Variants in CCDC80 observed in about 807,000 individuals in gnomAD.
The protein encoded by CCDC80 is coiled-coil domain-containing protein 80.
Under a neutral mutation model 78.7 loss-of-function variants are expected in CCDC80, and 49 were observed. The observed-to-expected ratio is 0.62, with a 90% CI of 0.50 to 0.79. CCDC80 has a LOEUF of 0.79. CCDC80 is among the 30% of genes least tolerant of loss of function. CCDC80 has a pLI of 0.00. For missense variants in CCDC80, 1,205 were observed against 1,198.6 expected (o/e 1.01, Z -0.08); for synonymous variants, 488 against 447.0 (o/e 1.09, Z -1.16).
rs771980493 is a variant in CCDC80, at chr3:112,605,536, G to T, written c.2734C>A (p.Arg912Ser). Residue 912 changes from arginine to serine, a missense_variant, in exon 8 of 8, where the codon CGC (arginine) becomes AGC (serine). Physicochemically the swap from Arg to Ser is moderately radical, Grantham distance 110. Coordinates refer to ENST00000206423, the MANE Select transcript of CCDC80 (RefSeq NM_199511.3). Reference sequence around the variant, plus strand: ...CCTGCATACTCATCTTCTGGGCAGCGCATCCCCAGTGACTGCTGAATCGCC... The same window carrying T: ...CCTGCATACTCATCTTCTGGGCAGCTCATCCCCAGTGACTGCTGAATCGCC... ...EMAIQQSLGM[R>S]CPEDEYAGYG... is the part of the protein sequence containing the mutation. The T allele has an allele frequency of 1.1e-5, 17 of 1,614,102 alleles. No individual in the cohort carries two copies. The highest frequency in any genetic ancestry group is 1.4e-5 in the Non-Finnish European group (17 of 1,180,004).
At chr3:112,627,317 A>G (rs1412088323) in intron 3 of CCDC80, among the ~76,000 whole-genome samples, 1 of 152,210 alleles carries the variant, frequency 6.6e-6, no homozygotes, top group Non-Finnish European at 1.5e-5. Flanking sequence ...CCCCACATGC[A>G]ATATACTCTG....
chr3:112,623,250 C>T (rs73231362), intron 3 of CCDC80, among the ~76,000 whole-genome samples: 15,503 of 152,208 alleles, frequency 0.1, 865 homozygotes, highest in South Asian at 0.2. Flanking sequence ...TTTGTCCTTT[C>T]GTGACTCACT....
intron 5 of CCDC80, among the ~76,000 whole-genome samples, chr3:112,615,506 G>C (rs1242077358): frequency 6.6e-6 from 1 of 152,036 alleles, no homozygotes; most frequent in Non-Finnish European, 1.5e-5. Flanking sequence ...CCTACATCGG[G>C]GGAGGGGAGG....
In CCDC80 at chr3:112,639,639, T is replaced by C. The variant is rs182449118; in HGVS notation, c.267A>G (p.Thr89=). 991 of 1,614,174 alleles carry C rather than the reference T, an allele frequency of 6.1e-4. 6 individuals are homozygous for C. In the East Asian group the frequency reaches 0.019, roughly 31 times the overall value. Reference sequence around the variant, plus strand: ...TGATGTCCGAGCGGGCTGGCGGCTCTGTTGGGCGAGCTAGTCTCAACACGG... The same window carrying C: ...TGATGTCCGAGCGGGCTGGCGGCTCCGTTGGGCGAGCTAGTCTCAACACGG... ...SVPVLRLARP[T]EPPARSDING... is the part of the protein sequence containing the mutation. The change falls in exon 2 of 8, where the codon ACA becomes ACG. Residue 89 remains threonine, a synonymous_variant. Coordinates refer to ENST00000206423, the MANE Select transcript of CCDC80 (RefSeq NM_199511.3).
chr3:112,626,315 G>T (rs1261806083), intron 3 of CCDC80, among the ~76,000 whole-genome samples: 1 of 152,170 alleles, frequency 6.6e-6, no homozygotes, highest in East Asian at 1.9e-4. Flanking sequence ...AGTGTTGCAG[G>T]GTCTAGAGAA....
In CCDC80 at chr3:112,605,558, C is replaced by T. The variant is rs1935466786; in HGVS notation, c.2712G>A (p.Ala904=). The T allele has an allele frequency of 1.2e-6, 2 of 1,614,206 alleles. No homozygotes were observed. Among genetic ancestry groups the T allele is most frequent in the Non-Finnish European group, 1.7e-6 (2 of 1,180,042 alleles). ...DSMQLRRQEM[A]IQQSLGMRCP... ...AGCGCATCCCCAGTGACTGCTGAAT[C>T]GCCATTTCCTGTCTCCGAAGTTGCA... Residue 904 remains alanine, a synonymous_variant, in exon 8 of 8, where the codon GCG becomes GCA. Transcript: ENST00000206423.
chr3:112,639,702 T>C lies in CCDC80; in HGVS notation c.204A>G (p.Glu68=). The C allele has an allele frequency of 6.2e-7, 1 of 1,614,174 alleles. No homozygotes were observed. The highest frequency in any genetic ancestry group is 8.5e-7 in the Non-Finnish European group (1 of 1,180,038). ...SRGIERSTLE[E]PNLQPLQRRR... is the part of the protein sequence containing the mutation. ...TTCTCTGGAGAGGCTGAAGGTTTGGTTCCTCCAGAGTGGATCTCTCAATTC... is the reference window on the plus strand; with the variant it reads ...TTCTCTGGAGAGGCTGAAGGTTTGGCTCCTCCAGAGTGGATCTCTCAATTC... The change falls in exon 2 of 8, where the codon GAA becomes GAG. Residue 68 remains glutamate (E), a synonymous_variant. Transcript: ENST00000206423.
intron 2 of CCDC80, among the ~76,000 whole-genome samples, chr3:112,633,741 A>T (rs939021302): frequency 2.0e-5 from 3 of 151,552 alleles, no homozygotes; most frequent in African/African-American, 7.3e-5. Flanking sequence ...GACCATCTGA[A>T]CCCATTTCAG....
At chr3:112,616,449 G>GA (rs59366104) in intron 5 of CCDC80, among the ~76,000 whole-genome samples, 6,901 of 133,610 alleles carry the variant, frequency 0.052, 677 homozygotes, top group African/African-American at 0.17. Context: ...AAAAAGAAAA[G>GA]AAAAAAAAAA....
chr3:112,634,836 A>G (rs1003402260), intron 2 of CCDC80, among the ~76,000 whole-genome samples: 5 of 152,188 alleles, frequency 3.3e-5, no homozygotes, highest in African/African-American at 1.2e-4. Context: ...TGAGTTTTCA[A>G]CTCAAACAGA....
At chr3:112,634,644 T>A (rs1936169303) in intron 2 of CCDC80, among the ~76,000 whole-genome samples, 1 of 152,214 alleles carries the variant, frequency 6.6e-6, no homozygotes. Flanking sequence ...CATTTACCAC[T>A]TATCTGGGTG....
chr3:112,603,482 T>A lies in CCDC80; in HGVS notation c.*1935A>T, dbSNP rs868364447. 23 of 149,788 alleles carry A rather than the reference T, an allele frequency of 1.5e-4. No individual in the cohort carries two copies. The South Asian group carries it at 4.7e-3, about 30-fold the overall frequency. 9.3% of individuals were successfully genotyped at this position (149,788 alleles called of 1,614,324 possible). On this transcript the variant is annotated 3_prime_UTR_variant, in exon 8 of 8. Transcript: ENST00000206423. ...GTGAGCCAAGATCGCACCACTGCAC[T>A]CCAGCCTGGGTGACAGAGCGAGACT... is the stretch of plus-strand genomic sequence containing the variant.
At chr3:112,611,057 G>T (rs1322338578) in intron 5 of CCDC80, among the ~76,000 whole-genome samples, 1 of 151,788 alleles carries the variant, frequency 6.6e-6, no homozygotes, top group Non-Finnish European at 1.5e-5. Flanking sequence ...GGGACTACAG[G>T]CGCGTGCCAC....
In CCDC80 at chr3:112,605,460, T is replaced by A; in HGVS notation, c.2810A>T (p.Asp937Val). 2 of 1,614,090 alleles carry A rather than the reference T, an allele frequency of 1.2e-6. No individual in the cohort carries two copies. Among genetic ancestry groups the A allele is most frequent in the Non-Finnish European group, 1.7e-6 (2 of 1,179,986 alleles). Residue 937 changes from aspartate (D) to valine (V), a missense_variant, in exon 8 of 8, where the codon GAC (aspartate) becomes GTC (valine). Coordinates refer to ENST00000206423, the MANE Select transcript of CCDC80 (RefSeq NM_199511.3). ...HQGYQDGYQD[D>V]YRHHESYHHG... ...GTGATAACTCTCATGATGACGGTAGTCATCCTGGTAACCATCCTGGTATCC... is the reference window on the plus strand; with the variant it reads ...GTGATAACTCTCATGATGACGGTAGACATCCTGGTAACCATCCTGGTATCC...
At chr3:112,612,738 G>A (rs1453013889) in intron 5 of CCDC80, among the ~76,000 whole-genome samples, 5 of 152,100 alleles carry the variant, frequency 3.3e-5, no homozygotes, top group African/African-American at 9.7e-5. Context: ...AACCAAATGA[G>A]TGCTGTTGAA....
In CCDC80 at chr3:112,624,665, G is replaced by A. The variant is rs139796597; in HGVS notation, c.2035+5448C>T. Reference sequence around the variant, plus strand: ...CCTGATCACTTTTTCTCTAGAAAGAGCAACTTGTCTTATTAATAAAGAGTG... The same window carrying A: ...CCTGATCACTTTTTCTCTAGAAAGAACAACTTGTCTTATTAATAAAGAGTG... On this transcript the variant is annotated intron_variant, in intron 3 of 7. Coordinates refer to ENST00000206423, the MANE Select transcript of CCDC80 (RefSeq NM_199511.3). Among the ~76,000 whole-genome samples, 73 of 152,236 alleles carry A rather than the reference G, an allele frequency of 4.8e-4. 1 individual carries two copies. The East Asian group carries it at 0.014, about 29-fold the overall frequency.
intron 3 of CCDC80, among the ~76,000 whole-genome samples, chr3:112,626,216 A>C (rs1935968517): frequency 6.6e-6 from 1 of 152,166 alleles, no homozygotes; most frequent in Non-Finnish European, 1.5e-5. Context: ...GCACAGAATG[A>C]TTGATAAGTA....
chr3:112,604,522 T>A lies in CCDC80; in HGVS notation c.*895A>T, dbSNP rs572581672. Reference sequence around the variant, plus strand: ...ATACACTTAATAGACTACTAAAGAGTGTAAACATAACTTTTATATGCACTG... The same window carrying A: ...ATACACTTAATAGACTACTAAAGAGAGTAAACATAACTTTTATATGCACTG... On this transcript the variant is annotated 3_prime_UTR_variant, in exon 8 of 8. Coordinates refer to ENST00000206423, the MANE Select transcript of CCDC80 (RefSeq NM_199511.3). The A allele has an allele frequency of 6.6e-6, 1 of 152,108 alleles. No homozygotes were observed. The highest frequency in any genetic ancestry group is 2.4e-5 in the African/African-American group (1 of 41,398). The allele number at this position is 152,108 out of a possible 1,614,324, so 9.4% of individuals were successfully genotyped here. A position where few individuals can be genotyped will look rare whatever the true frequency, so the allele number is the denominator to read the frequency against.
At position 112,603,536 on chromosome 3, in the gene CCDC80, A is replaced by AAT. The variant is rs1452485220; in HGVS notation, c.*1879_*1880dup. 1.4e-5 allele frequency: 2 copies of AAT among 146,752 alleles called. No individual in the cohort carries two copies. 9.1% of individuals were successfully genotyped at this position (146,752 alleles called of 1,614,324 possible). ...TCTCGAAAAAAATATATATATATAT[A>AAT]ATATATATTATATATTTTATATATG... On this transcript the variant is annotated 3_prime_UTR_variant, in exon 8 of 8. Coordinates refer to ENST00000206423, the MANE Select transcript of CCDC80 (RefSeq NM_199511.3).
Sources: allele counts gnomAD v4.1 joint callset (sites outside exome capture counted in the v4.1 genomes callset), GRCh38; gene constraint gnomAD v4.1.1; transcripts MANE v1.5; gene names NCBI Gene and HGNC (gene_info 2026-07-23, HGNC 2026-07-21).